TDRD9: variants seen among roughly 807,000 people sequenced by gnomAD.
TDRD9 encodes tudor domain containing 9.
A neutral mutation model predicts 172.6 loss-of-function variants in TDRD9; 124 were observed. The observed-to-expected ratio is 0.72, with a 90% CI of 0.62 to 0.83. TDRD9 has a LOEUF of 0.83. Among genes scored for constraint, TDRD9 ranks in the 40% least tolerant of loss-of-function variants. The probability of loss-of-function intolerance (pLI) is 0.00; values close to 1 mark genes in which losing one functional copy is unlikely to be tolerated. For missense variants in TDRD9, 1,479 were observed against 1,714.1 expected (o/e 0.86, Z 2.42); for synonymous variants, 619 against 617.1 (o/e 1.00, Z -0.05).
intron 23 of TDRD9, among the ~76,000 whole-genome samples, chr14:104,020,911 G>A (rs1595995272): frequency 6.6e-6 from 1 of 152,092 alleles, no homozygotes; most frequent in African/African-American, 2.4e-5. Flanking sequence ...TGCTCCTCAT[G>A]CCCCAGAGTG....
intron 22 of TDRD9, among the ~76,000 whole-genome samples, chr14:104,017,132 C>T (rs2034816432): frequency 6.6e-6 from 1 of 152,086 alleles, no homozygotes; most frequent in African/African-American, 2.4e-5. Flanking sequence ...TCTCTCACCC[C>T]TCTGCCCCTT....
chr14:103,947,224 C>T (rs1252882778), intron 1 of TDRD9, among the ~76,000 whole-genome samples: 1 of 152,080 alleles, frequency 6.6e-6, no homozygotes, highest in Non-Finnish European at 1.5e-5. Context: ...AATAAACCCT[C>T]ACATACATGG....
rs1341057544 is a variant in TDRD9 at position 104,018,200 on chromosome 14, T to C, written c.2432+8T>C. ...TGTATTTGATGGTGCAAAGTAAGTATATTTTTGTAATCAACTGCAATTATG... is the reference window on the plus strand; with the variant it reads ...TGTATTTGATGGTGCAAAGTAAGTACATTTTTGTAATCAACTGCAATTATG... On this transcript the variant is annotated splice_region_variant and intron_variant, in intron 23 of 35. Transcript: ENST00000409874. 1.3e-6 allele frequency: 2 copies of C among 1,510,558 alleles called. No homozygotes were observed. Among genetic ancestry groups the C allele is most frequent in the Non-Finnish European group, 1.8e-6 (2 of 1,095,218 alleles). The allele number at this position is 1,510,558 out of a possible 1,614,324, so 93.6% of individuals were successfully genotyped here.
intron 34 of TDRD9, among the ~76,000 whole-genome samples, chr14:104,048,927 G>C (rs944873717): frequency 1.3e-5 from 2 of 152,138 alleles, no homozygotes; most frequent in East Asian, 3.9e-4. Flanking sequence ...CTGTGGTGCT[G>C]GGTTCAGGGG....
chr14:103,998,126 G>A (rs1336973007), intron 12 of TDRD9, among the ~76,000 whole-genome samples: 1 of 151,962 alleles, frequency 6.6e-6, no homozygotes, highest in African/African-American at 2.4e-5. Context: ...ACACTCGGCA[G>A]CTTATCCAGC....
Position 103,956,096 on chromosome 14 carries a change from AAAAAAAAAAAAAAAAATATAT to A in TDRD9, c.322+328_322+348del, listed in dbSNP as rs1322047398. On this transcript the variant is annotated intron_variant, in intron 2 of 35. Transcript: ENST00000409874. ...CCTCTCTTTAAAAAAAAAAAAAAAA[AAAAAAAAAAAAAAAAATATAT>A]ATATATATATATATATATATATATA... Among the ~76,000 whole-genome samples the A allele has an allele frequency of 4.5e-4, 23 of 50,880 alleles. No individual in the cohort carries two copies. The South Asian group carries it at 5.5e-3, about 12-fold the overall frequency. The allele number at this position is 50,880 out of a possible 152,430, so 33.4% of individuals were successfully genotyped here. A position where few individuals can be genotyped will look rare whatever the true frequency, so the allele number is the denominator to read the frequency against.
Position 104,035,461 on chromosome 14 carries a change from CA to C in TDRD9, c.3716+406del, listed in dbSNP as rs1338191765. 2.0e-5 allele frequency among the ~76,000 whole-genome samples: 3 copies of C among 152,200 alleles called. No individual in the cohort carries two copies. The East Asian group carries it at 5.8e-4, about 29-fold the overall frequency. On this transcript the variant is annotated intron_variant, in intron 32 of 35. Transcript: ENST00000409874. Reference sequence around the variant, plus strand: ...CCCCTTCTTGTGGTAACCATGACATCAGAAGGCAGATTGCCCAGCAGATTGT... The same window carrying C: ...CCCCTTCTTGTGGTAACCATGACATCGAAGGCAGATTGCCCAGCAGATTGT...
chr14:104,019,451 C>T lies in TDRD9; in HGVS notation c.2432+1259C>T, dbSNP rs191285925. On this transcript the variant is annotated intron_variant, in intron 23 of 35. Coordinates refer to ENST00000409874, the MANE Select transcript of TDRD9 (RefSeq NM_153046.3). ...AATCTCGGCTCACTGCAACCTCCGC[C>T]TCCCATTGCCTGGGACCTTTTTTAT... Among the ~76,000 whole-genome samples, 94 of 152,274 alleles carry T rather than the reference C, an allele frequency of 6.2e-4. 2 individuals carry two copies. Among genetic ancestry groups the T allele is most frequent in the Non-Finnish European group, 2.2e-4 (15 of 68,022 alleles).
chr14:103,995,943 GT>G (rs1595962014), intron 12 of TDRD9, 136 bp downstream of exon 12: 1 of 749,562 alleles, frequency 1.3e-6, no homozygotes, highest in East Asian at 2.8e-5. Flanking sequence ...AGAAAAGTAG[GT>G]TTACGTAGTT....
intron 2 of TDRD9, among the ~76,000 whole-genome samples, chr14:103,956,103 AAAAAAAAAATATATATAT>A (rs1390592533): frequency 2.8e-4 from 14 of 50,234 alleles, no homozygotes; most frequent in African/African-American, 6.6e-4. Flanking sequence ...AAAAAAAAAA[AAAAAAAAAATATATATAT>A]ATATATATAT....
chr14:103,994,449 T>G, intron 10 of TDRD9, 63 bp downstream of exon 10: 1 of 1,602,832 alleles, frequency 6.2e-7, no homozygotes, highest in Admixed American at 1.7e-5. Context: ...CCTTAAATTA[T>G]CTCAGTATTT....
At chr14:103,984,586 A>G (rs2033596761) in intron 7 of TDRD9, among the ~76,000 whole-genome samples, 1 of 152,184 alleles carries the variant, frequency 6.6e-6, no homozygotes, top group South Asian at 2.1e-4. Flanking sequence ...TTTTCAGAGA[A>G]TGTGTAGAAA....
intron 5 of TDRD9, among the ~76,000 whole-genome samples, chr14:103,968,688 C>T (rs2032864960): frequency 6.9e-6 from 1 of 144,672 alleles, no homozygotes; most frequent in Non-Finnish European, 1.5e-5. Flanking sequence ...CCCAGCTACT[C>T]AGGAGGCTGA....
chr14:104,033,689 C>T (rs1281047161), intron 30 of TDRD9, among the ~76,000 whole-genome samples: 2 of 151,960 alleles, frequency 1.3e-5, no homozygotes, highest in Non-Finnish European at 2.9e-5. Flanking sequence ...GCATCCCCAG[C>T]GTGTGCGTGG....
intron 7 of TDRD9, among the ~76,000 whole-genome samples, chr14:103,984,082 C>T (rs1479942611): frequency 6.6e-6 from 1 of 152,122 alleles, no homozygotes; most frequent in East Asian, 1.9e-4. Flanking sequence ...TTCTAAGCAG[C>T]AAGGCATTCA....
intron 30 of TDRD9, among the ~76,000 whole-genome samples, chr14:104,032,916 G>A (rs983892404): frequency 6.6e-6 from 1 of 152,172 alleles, no homozygotes; most frequent in Non-Finnish European, 1.5e-5. Context: ...GAGGCCTGGC[G>A]GATACAGAGG....
intron 23 of TDRD9, 92 bp downstream of exon 23, chr14:104,018,284 G>A: frequency 1.3e-6 from 1 of 794,648 alleles, no homozygotes. Context: ...GAGTGCCCAT[G>A]GAAATGGGTC....
intron 35 of TDRD9, among the ~76,000 whole-genome samples, chr14:104,050,436 T>C (rs1406218423): frequency 6.6e-6 from 1 of 152,210 alleles, no homozygotes; most frequent in African/African-American, 2.4e-5. Context: ...ACTTCCTGTC[T>C]GTAGGGCTAG....
At position 104,025,613 on chromosome 14, in the gene TDRD9, C is replaced by CA. The variant is rs1323141179; in HGVS notation, c.2769dup (p.Glu924ArgfsTer9). On this transcript the variant is annotated frameshift_variant, in exon 26 of 36. Coordinates refer to ENST00000409874, the MANE Select transcript of TDRD9 (RefSeq NM_153046.3). LOFTEE classifies it high-confidence loss of function. ...GGATACAGGATTGATGAAAACAACT[C>CA]AGAGATTCTGAAAAAGCTTACTGCT... The CA allele has an allele frequency of 1.2e-6, 2 of 1,614,002 alleles. No homozygotes were observed. Among genetic ancestry groups the CA allele is most frequent in the Admixed American group, 1.7e-5 (1 of 60,022 alleles).
Sources: gnomAD v4.1 joint callset for allele counts (sites outside exome capture counted in the v4.1 genomes callset) on GRCh38, gnomAD v4.1.1 for gene constraint, MANE v1.5 for transcripts, NCBI Gene and HGNC (gene_info 2026-07-23, HGNC 2026-07-21) for gene names.